LRBA: variants seen among roughly 807,000 people sequenced by gnomAD.
LRBA encodes the protein lipopolysaccharide-responsive and beige-like anchor protein.
In LRBA, 176 loss-of-function variants were observed where a neutral mutation model predicts 330.0. That is an observed-to-expected ratio of 0.53 (90% CI 0.47 to 0.60). The LOEUF is 0.60. Ranked by LOEUF, LRBA falls within the 20% of genes least tolerant of loss-of-function variation. The pLI is 0.00. For synonymous variants in LRBA, 1,230 were observed against 1,193.0 expected, an observed-to-expected ratio of 1.03 and a Z score of -0.64; for missense variants, 3,259 against 3,444.8, an observed-to-expected ratio of 0.95 and a Z score of 1.35.
chr4:150,320,098 T>A (rs572235153), intron 50 of LRBA, among the ~76,000 whole-genome samples: 24 of 152,258 alleles, frequency 1.6e-4, no homozygotes, highest in African/African-American at 5.8e-4. Context: ...AGAACAGTGC[T>A]AAATCCAGGT....
At chr4:150,791,690 C>T (rs1018362097) in intron 34 of LRBA, among the ~76,000 whole-genome samples, 9 of 152,062 alleles carry the variant, frequency 5.9e-5, no homozygotes, top group South Asian at 2.1e-4. Flanking sequence ...TACAAAACTT[C>T]GTATCATAGG....
chr4:150,579,220 A>C, intron 40 of LRBA: 1 of 456,708 alleles, frequency 2.2e-6, no homozygotes. Context: ...ATACTAACAT[A>C]CATAAAAGCA....
intron 56 of LRBA, among the ~76,000 whole-genome samples, chr4:150,274,970 C>T (rs1746571799): frequency 6.6e-6 from 1 of 152,110 alleles, no homozygotes; most frequent in Non-Finnish European, 1.5e-5. Flanking sequence ...GGCAGAGACA[C>T]AAGAAAGAAA....
At chr4:150,349,944 T>TG in intron 48 of LRBA, 48 bp downstream of exon 48, 6 of 1,561,676 alleles carry the variant, frequency 3.8e-6, no homozygotes, top group Non-Finnish European at 5.3e-6. Context: ...CTCCTTCTAG[T>TG]TTAAATATAC....
At chr4:150,428,064 T>G (rs1212974299) in intron 46 of LRBA, among the ~76,000 whole-genome samples, 1 of 152,070 alleles carries the variant, frequency 6.6e-6, no homozygotes, top group Non-Finnish European at 1.5e-5. Flanking sequence ...TGTATATTAT[T>G]ATTTAACATG....
intron 40 of LRBA, among the ~76,000 whole-genome samples, chr4:150,538,831 C>CT (rs932171506): frequency 1.4e-5 from 2 of 141,354 alleles, no homozygotes; most frequent in African/African-American, 5.2e-5. Flanking sequence ...AAAAAAAAAA[C>CT]AAAAAACTAC....
At chr4:150,717,517 A>G (rs1728360950) in intron 36 of LRBA, among the ~76,000 whole-genome samples, 1 of 151,608 alleles carries the variant, frequency 6.6e-6, no homozygotes, top group Non-Finnish European at 1.5e-5. Flanking sequence ...AAAATTAGCC[A>G]GGTGTGGTGG....
chr4:150,554,745 T>A (rs756609609), intron 40 of LRBA, among the ~76,000 whole-genome samples: 1 of 152,116 alleles, frequency 6.6e-6, no homozygotes, highest in Non-Finnish European at 1.5e-5. Flanking sequence ...TAATCTTAAA[T>A]TCTTCAACAA....
chr4:150,943,911 ATTC>A (rs1735947710), intron 2 of LRBA, among the ~76,000 whole-genome samples: 1 of 152,146 alleles, frequency 6.6e-6, no homozygotes, highest in Non-Finnish European at 1.5e-5. Context: ...TACATCATTC[ATTC>A]TAAGGAAAAT....
At chr4:150,650,862 A>C (rs1779640087) in intron 37 of LRBA, among the ~76,000 whole-genome samples, 1 of 152,156 alleles carries the variant, frequency 6.6e-6, no homozygotes, top group Non-Finnish European at 1.5e-5. Context: ...CACATGAATC[A>C]TTAGAACTTG....
chr4:150,911,571 T>C (rs1292884688), intron 9 of LRBA, among the ~76,000 whole-genome samples: 1 of 152,242 alleles, frequency 6.6e-6, no homozygotes, highest in Non-Finnish European at 1.5e-5. Flanking sequence ...ATAATTCTTT[T>C]AATGTGCTGT....
At chr4:150,840,967 C>T (rs1225153269) in intron 28 of LRBA, 4 of 1,234,244 alleles carry the variant, frequency 3.2e-6, no homozygotes, top group South Asian at 1.4e-5. Context: ...AACATATCCA[C>T]TTGATGCAAT....
intron 48 of LRBA, among the ~76,000 whole-genome samples, chr4:150,330,354 G>T (rs1733825742): frequency 6.6e-6 from 1 of 152,056 alleles, no homozygotes; most frequent in Non-Finnish European, 1.5e-5. Context: ...TATTACACCT[G>T]TTCATACTGC....
chr4:150,569,539 G>A (rs1283112646), intron 40 of LRBA, among the ~76,000 whole-genome samples: 2 of 152,060 alleles, frequency 1.3e-5, no homozygotes, highest in East Asian at 3.9e-4. Context: ...CATCCAGACT[G>A]GACGGTTCAT....
chr4:150,808,303 G>A lies in LRBA; in HGVS notation c.5384+17C>T, dbSNP rs1428616051. 1.3e-6 allele frequency: 2 copies of A among 1,564,888 alleles called. No homozygotes were observed. Among genetic ancestry groups the A allele is most frequent in the African/African-American group, 1.4e-5 (1 of 73,790 alleles). ...AAAAGGTATAAATCACAATATTCAA[G>A]TTAGTAGCTTAAATACCTCATATTT... On this transcript the variant is annotated intron_variant, in intron 32 of 56. Coordinates refer to ENST00000651943, the MANE Select transcript of LRBA (RefSeq NM_001364905.1).
intron 2 of LRBA, among the ~76,000 whole-genome samples, chr4:150,949,755 C>T (rs966044160): frequency 5.7e-4 from 9 of 15,826 alleles, no homozygotes; most frequent in Middle Eastern, 0.056. Context: ...CCAAATTAAG[C>T]GGCAAGGAAA....
intron 13 of LRBA, among the ~76,000 whole-genome samples, chr4:150,902,054 CAA>C (rs1435905773): frequency 1.3e-5 from 2 of 151,858 alleles, no homozygotes; most frequent in Non-Finnish European, 2.9e-5. Flanking sequence ...CAAAACAAAT[CAA>C]AGACAATAAA....
chr4:150,822,738 C>T (rs1266512002), intron 30 of LRBA, among the ~76,000 whole-genome samples: 1 of 152,078 alleles, frequency 6.6e-6, no homozygotes, highest in Non-Finnish European at 1.5e-5. Context: ...GGTGGCAGAG[C>T]AAGACACCGT....
intron 46 of LRBA, among the ~76,000 whole-genome samples, chr4:150,416,771 G>T (rs955574217): frequency 6.6e-6 from 1 of 151,962 alleles, no homozygotes; most frequent in Non-Finnish European, 1.5e-5. Flanking sequence ...ACAGGTGTGT[G>T]TTATTTTATG....
Sources: gnomAD v4.1 joint callset for allele counts (sites outside exome capture counted in the v4.1 genomes callset) on GRCh38, gnomAD v4.1.1 for gene constraint, MANE v1.5 for transcripts, NCBI Gene and HGNC (gene_info 2026-07-23, HGNC 2026-07-21) for gene names.